TRMT2B: variants seen among roughly 807,000 people sequenced by gnomAD.
TRMT2B encodes the protein tRNA (uracil-5-)-methyltransferase homolog B.
Under a neutral mutation model 39.7 loss-of-function variants are expected in TRMT2B, and 34 were observed. The observed-to-expected ratio is 0.86, with a 90% CI of 0.65 to 1.14. The LOEUF is 1.14. Ranked by LOEUF, TRMT2B falls within the 50% of genes most tolerant of loss-of-function variation. The pLI is 0.00. For synonymous variants in TRMT2B, 132 were observed against 137.3 expected, an observed-to-expected ratio of 0.96 and a Z score of 0.27; for missense variants, 318 against 377.2, an observed-to-expected ratio of 0.84 and a Z score of 1.30.
chrX:100,996,839 G>A, the TRMT2B span, among the ~76,000 whole-genome samples: 1,673 of 111,242 alleles, frequency 0.015, 49 homozygotes, highest in African/African-American at 0.052. Flanking sequence ...TTGAGCCCAG[G>A]AGACTGAGGT....
At chrX:100,984,100 C>CT in the TRMT2B span, among the ~76,000 whole-genome samples, 74 of 101,606 alleles carry the variant, frequency 7.3e-4, no homozygotes, top group Non-Finnish European at 1.1e-3. Flanking sequence ...CATTTTCCTT[C>CT]TTTTTTTTTT....
chrX:101,042,152 T>C lies in TRMT2B; in HGVS notation c.138A>G (p.Thr46=), dbSNP rs1256840858. ...PPGWSQLFLG[T]VCKGDFTRVI... ...CACGGGTGAAATCTCCCTTACATAC[T>C]GTGCCCAGAAAGAGCTGTGACCATC... The change falls in exon 3 of 14, where the codon ACA becomes ACG. Residue 46 remains threonine, a synonymous_variant. Transcript: ENST00000372936. 3 of 1,212,198 alleles carry C rather than the reference T, an allele frequency of 2.5e-6. No homozygotes were observed. The highest frequency in any genetic ancestry group is 3.3e-6 in the Non-Finnish European group (3 of 895,604).
chrX:101,016,580 G>A (rs2086525712), intron 13 of TRMT2B, among the ~76,000 whole-genome samples: 1 of 107,026 alleles, frequency 9.3e-6, no homozygotes, highest in Non-Finnish European at 1.9e-5. Context: ...GGATTCAAGC[G>A]ATTCTCATGC....
the TRMT2B span, among the ~76,000 whole-genome samples, chrX:100,994,756 G>A: frequency 1.6e-4 from 18 of 111,348 alleles, no homozygotes; most frequent in African/African-American, 5.9e-4. Context: ...TGGGTGTTTG[G>A]GCCATACCAG....
At position 101,041,488 on chromosome X, in the gene TRMT2B, G is replaced by C. The variant is rs893786760; in HGVS notation, c.249-117C>G. 17 of 650,550 alleles carry C rather than the reference G, an allele frequency of 2.6e-5. No individual in the cohort carries two copies. In the African/African-American group the frequency reaches 2.9e-4, roughly 11 times the overall value. The allele number at this position is 650,550 out of a possible 1,213,427, so 53.6% of individuals were successfully genotyped here. A position where few individuals can be genotyped will look rare whatever the true frequency, so the allele number is the denominator to read the frequency against. On this transcript the variant is annotated intron_variant, in intron 3 of 13. Coordinates refer to ENST00000372936, the MANE Select transcript of TRMT2B (RefSeq NM_024917.6). ...ATGCTCTCTAGGGAGATGGAGTCTGGGAGAAGAGCCCATTTTGATGTTGTC... is the reference window on the plus strand; with the variant it reads ...ATGCTCTCTAGGGAGATGGAGTCTGCGAGAAGAGCCCATTTTGATGTTGTC...
chrX:101,010,134 G>C lies in TRMT2B; in HGVS notation c.*447C>G, dbSNP rs2086189930. The C allele has an allele frequency of 8.8e-6, 1 of 113,429 alleles. No individual in the cohort carries two copies. Among genetic ancestry groups the C allele is most frequent in the Non-Finnish European group, 1.8e-5 (1 of 54,332 alleles). The allele number at this position is 113,429 out of a possible 1,213,427, so 9.3% of individuals were successfully genotyped here. A position where few individuals can be genotyped will look rare whatever the true frequency, so the allele number is the denominator to read the frequency against. On this transcript the variant is annotated 3_prime_UTR_variant, in exon 14 of 14. Transcript: ENST00000372936. ...ATCTAAGGTTAAGTCAGCCGCGGCG[G>C]GGTGTGGTGGCTCACGCCTATAATC...
At chrX:101,027,693 T>C (rs1463948136) in intron 7 of TRMT2B, among the ~76,000 whole-genome samples, 1 of 111,364 alleles carries the variant, frequency 9.0e-6, no homozygotes, top group East Asian at 2.8e-4. Context: ...CTTGCCAGCC[T>C]CATAATTTTA....
rs760362265 is a variant in TRMT2B at position 101,023,459 on chromosome X, G to C, written c.756+11C>G. The C allele has an allele frequency of 8.3e-7, 1 of 1,204,482 alleles. No homozygotes were observed. Among genetic ancestry groups the C allele is most frequent in the Non-Finnish European group, 1.1e-6 (1 of 889,866 alleles). On this transcript the variant is annotated intron_variant, in intron 8 of 13. Transcript: ENST00000372936. ...AAAAGTTAAGGTTGCTTAACATCTT[G>C]TGAGGCTCACCTGACTTAATTTCTG...
Position 101,023,501 on chromosome X carries a change from A to G in TRMT2B, c.725T>C (p.Ile242Thr), listed in dbSNP as rs202188617. The part of the protein sequence containing the change: ...RTNSQGHTMA[I>T]ITFHPQKLSQ... Reference sequence around the variant, plus strand: ...TAATTTCTGGGGATGGAAAGTGATGATAGCCATTGTGTGCCCTTGGCTATT... The same window carrying G: ...TAATTTCTGGGGATGGAAAGTGATGGTAGCCATTGTGTGCCCTTGGCTATT... Residue 242 changes from isoleucine (I) to threonine (T), a missense_variant, in exon 8 of 14, where the codon ATC (isoleucine) becomes ACC (threonine). Coordinates refer to ENST00000372936, the MANE Select transcript of TRMT2B (RefSeq NM_024917.6). The G allele has an allele frequency of 2.3e-4, 274 of 1,208,616 alleles. No homozygotes were observed. The highest frequency in any genetic ancestry group is 3.0e-4 in the Non-Finnish European group (266 of 893,934).
chrX:101,043,005 A>T lies in TRMT2B; in HGVS notation c.-23-693T>A, dbSNP rs186668930. ...GAGACAGCCAGGAGCAGTGGCTCAC[A>T]CCTGTAATCCTAGCAGTTAGGGAGG... On this transcript the variant is annotated intron_variant, in intron 2 of 13. Coordinates refer to ENST00000372936, the MANE Select transcript of TRMT2B (RefSeq NM_024917.6). Among the ~76,000 whole-genome samples, 12 of 111,901 alleles carry T rather than the reference A, an allele frequency of 1.1e-4. No homozygotes were observed. In the East Asian group the frequency reaches 3.4e-3, roughly 32 times the overall value.
intron 7 of TRMT2B, among the ~76,000 whole-genome samples, chrX:101,032,692 C>G (rs951889216): frequency 2.3e-4 from 24 of 105,357 alleles, no homozygotes; most frequent in Admixed American, 2.2e-3. Context: ...AGGAGAATCA[C>G]TTGAACCTGG....
chrX:100,979,193 T>C, the TRMT2B span, among the ~76,000 whole-genome samples: 1 of 111,914 alleles, frequency 8.9e-6, no homozygotes, highest in African/African-American at 3.2e-5. Context: ...ATTCTGTATT[T>C]GTCTGTATGA....
At chrX:101,038,371 C>CAA (rs57481304) in intron 4 of TRMT2B, among the ~76,000 whole-genome samples, 5,875 of 34,832 alleles carry the variant, frequency 0.17, 682 homozygotes, top group Non-Finnish European at 0.2. Context: ...AACTCCGTCT[C>CAA]AAAAAAAAAA....
At chrX:101,041,969 T>C in intron 3 of TRMT2B, 73 bp downstream of exon 3, 1 of 1,145,159 alleles carries the variant, frequency 8.7e-7, no homozygotes, top group Non-Finnish European at 1.2e-6. Flanking sequence ...TTAGTTACAC[T>C]AGGAATACAG....
chrX:100,979,229 C>G, the TRMT2B span, among the ~76,000 whole-genome samples: 1 of 111,491 alleles, frequency 9.0e-6, no homozygotes, highest in Non-Finnish European at 1.9e-5. Context: ...GGGTTTTATA[C>G]CTTCAGGTGA....
rs771198343 is a variant in TRMT2B, at chrX:101,010,706, G to A, written c.1390C>T (p.Leu464=). The change falls in exon 14 of 14, where the codon CTG becomes TTG. Residue 464 remains leucine (L), a splice_region_variant and synonymous_variant. Coordinates refer to ENST00000372936, the MANE Select transcript of TRMT2B (RefSeq NM_024917.6). ...HGESTRNVIE[L]CCPPDPAKKL... ...TTAGCAGGGTCTGGAGGACAGCACA[G>A]CCTGTAGAAACAGAACATAGCATCA... 6 of 1,209,155 alleles carry A rather than the reference G, an allele frequency of 5.0e-6. No homozygotes were observed. The highest frequency in any genetic ancestry group is 6.7e-6 in the Non-Finnish European group (6 of 894,366).
the TRMT2B span, among the ~76,000 whole-genome samples, chrX:100,977,369 C>CTTTTTTTTTTTTTTTTTT: frequency 1.8e-5 from 1 of 56,470 alleles, no homozygotes; most frequent in African/African-American, 7.2e-5. Context: ...CTACTCTCTT[C>CTTTTTTTTTTTTTTTTTT]TTTTTTTTTT....
the TRMT2B span, among the ~76,000 whole-genome samples, chrX:100,999,825 C>A: frequency 1.8e-5 from 2 of 112,198 alleles, no homozygotes; most frequent in African/African-American, 6.5e-5. Flanking sequence ...GGCCACACCC[C>A]AGACCAATTA....
chrX:100,988,073 C>T, the TRMT2B span: 1 of 522,820 alleles, frequency 1.9e-6, no homozygotes, highest in Non-Finnish European at 3.2e-6. Context: ...CATCCTCTTG[C>T]TCTGTTGTCA....
Sources: allele counts gnomAD v4.1 joint callset (sites outside exome capture counted in the v4.1 genomes callset), GRCh38; gene constraint gnomAD v4.1.1; transcripts MANE v1.5; gene names NCBI Gene and HGNC (gene_info 2026-07-23, HGNC 2026-07-21).